PPARGC1A: variants seen among roughly 807,000 people sequenced by gnomAD.
The protein encoded by PPARGC1A is peroxisome proliferator-activated receptor gamma coactivator 1-alpha.
A neutral mutation model predicts 88.7 loss-of-function variants in PPARGC1A; 25 were observed. That is an observed-to-expected ratio of 0.28 (90% CI 0.21 to 0.39). The LOEUF is 0.39. Among genes scored for constraint, PPARGC1A ranks in the 10% least tolerant of loss-of-function variants. PPARGC1A has a pLI of 1.00. For synonymous variants in PPARGC1A, 363 were observed against 355.6 expected (o/e 1.02, Z -0.24); for missense variants, 880 against 968.7 (o/e 0.91, Z 1.22).
the PPARGC1A span, among the ~76,000 whole-genome samples, chr4:24,420,423 G>A: frequency 6.6e-6 from 1 of 152,124 alleles, no homozygotes; most frequent in Non-Finnish European, 1.5e-5. Flanking sequence ...CGCGTTGAAG[G>A]CATGATATAG....
chr4:24,234,460 A>G, the PPARGC1A span, among the ~76,000 whole-genome samples: 1 of 151,592 alleles, frequency 6.6e-6, no homozygotes, highest in African/African-American at 2.4e-5. Context: ...CTCTAAGCCA[A>G]TGATACACTG....
chr4:23,936,179 G>A, the PPARGC1A span, among the ~76,000 whole-genome samples: 1 of 152,264 alleles, frequency 6.6e-6, no homozygotes, highest in South Asian at 2.1e-4. Flanking sequence ...CAATAAGTAA[G>A]ATGTATTGAA....
chr4:24,281,862 TTACA>T, the PPARGC1A span, among the ~76,000 whole-genome samples: 66 of 152,136 alleles, frequency 4.3e-4, no homozygotes, highest in Admixed American at 4.3e-3. Context: ...TCTAAGGACT[TTACA>T]TAGAGAAACT....
chr4:24,350,888 G>T, the PPARGC1A span, among the ~76,000 whole-genome samples: 1 of 152,140 alleles, frequency 6.6e-6, no homozygotes, highest in East Asian at 1.9e-4. Context: ...CCAGCACTTT[G>T]GGAGGTGGGG....
chr4:24,361,142 G>A, the PPARGC1A span, among the ~76,000 whole-genome samples: 1 of 152,148 alleles, frequency 6.6e-6, no homozygotes, highest in Admixed American at 6.5e-5. Flanking sequence ...GAGGGGCAGG[G>A]ACAAGAAGGA....
intron 1 of PPARGC1A, among the ~76,000 whole-genome samples, chr4:23,887,153 A>G (rs142765605): frequency 3.9e-5 from 6 of 152,318 alleles, no homozygotes; most frequent in Non-Finnish European, 7.3e-5. Context: ...TATTGGTGCT[A>G]TCTTGTCATT....
At chr4:23,809,142 C>T (rs1286926038) in intron 10 of PPARGC1A, among the ~76,000 whole-genome samples, 2 of 152,090 alleles carry the variant, frequency 1.3e-5, no homozygotes, top group Admixed American at 1.3e-4. Flanking sequence ...CTGGACTGTC[C>T]TTGTTCCCTT....
chr4:23,882,285 C>T (rs969445164), intron 2 of PPARGC1A, among the ~76,000 whole-genome samples: 2 of 152,176 alleles, frequency 1.3e-5, no homozygotes, highest in Non-Finnish European at 2.9e-5. Flanking sequence ...TATCGTTATA[C>T]GACTTCTCAT....
chr4:24,298,829 T>C, the PPARGC1A span, among the ~76,000 whole-genome samples: 1 of 152,204 alleles, frequency 6.6e-6, no homozygotes, highest in African/African-American at 2.4e-5. Context: ...TTTACTGGTA[T>C]CTGTCGTACA....
the PPARGC1A span, among the ~76,000 whole-genome samples, chr4:23,916,492 G>A: frequency 1.3e-5 from 2 of 152,046 alleles, no homozygotes; most frequent in African/African-American, 4.8e-5. Flanking sequence ...ATTTATATGT[G>A]CATGTGTGTG....
chr4:23,840,441 T>C (rs2148603337), intron 2 of PPARGC1A, among the ~76,000 whole-genome samples: 1 of 152,218 alleles, frequency 6.6e-6, no homozygotes, highest in Admixed American at 6.5e-5. Context: ...CTTGCTGTTT[T>C]CTCTTCCTAG....
the PPARGC1A span, among the ~76,000 whole-genome samples, chr4:24,106,671 G>A: frequency 1.3e-5 from 2 of 152,314 alleles, no homozygotes; most frequent in Admixed American, 1.3e-4. Context: ...AGTTTAGTTG[G>A]TTTCCCCACC....
chr4:23,993,023 T>A, the PPARGC1A span, among the ~76,000 whole-genome samples: 1 of 152,092 alleles, frequency 6.6e-6, no homozygotes, highest in Non-Finnish European at 1.5e-5. Flanking sequence ...ATCCTAATAC[T>A]AGAATCTAAA....
At chr4:23,992,353 T>C in the PPARGC1A span, among the ~76,000 whole-genome samples, 10 of 119,462 alleles carry the variant, frequency 8.4e-5, no homozygotes, top group Non-Finnish European at 1.8e-4. Context: ...ATTACTATTC[T>C]ATACTATTAT....
chr4:23,849,514 A>T (rs921441707), intron 2 of PPARGC1A, among the ~76,000 whole-genome samples: 4 of 152,332 alleles, frequency 2.6e-5, no homozygotes, highest in Non-Finnish European at 5.9e-5. Flanking sequence ...GTCATTTAAA[A>T]AATCAAAAAC....
chr4:24,154,493 C>A, the PPARGC1A span, among the ~76,000 whole-genome samples: 4 of 152,170 alleles, frequency 2.6e-5, no homozygotes, highest in African/African-American at 7.2e-5. Context: ...ATGGAAAGAG[C>A]CTTGTGTAAG....
the PPARGC1A span, among the ~76,000 whole-genome samples, chr4:24,187,082 T>C: frequency 6.6e-6 from 1 of 152,228 alleles, no homozygotes; most frequent in South Asian, 2.1e-4. Flanking sequence ...CCAGATGCCA[T>C]GAGTACTAGT....
chr4:24,199,625 C>T, the PPARGC1A span, among the ~76,000 whole-genome samples: 1 of 152,074 alleles, frequency 6.6e-6, no homozygotes, highest in African/African-American at 2.4e-5. Flanking sequence ...GCATAAGGCA[C>T]ATTGGCAGGA....
chr4:24,096,896 C>A, the PPARGC1A span, among the ~76,000 whole-genome samples: 2 of 152,078 alleles, frequency 1.3e-5, no homozygotes, highest in South Asian at 2.1e-4. Flanking sequence ...ATCAGTCAGT[C>A]CTCCCTGATT....
Sources: allele counts gnomAD v4.1 joint callset (sites outside exome capture counted in the v4.1 genomes callset), GRCh38; gene constraint gnomAD v4.1.1; transcripts MANE v1.5; gene names NCBI Gene and HGNC (gene_info 2026-07-23, HGNC 2026-07-21).